The following STAG1 variants were observed in gnomAD, a reference collection of about 807,000 sequenced individuals.
The protein encoded by STAG1 is cohesin subunit SA-1.
STAG1 carries 26 observed loss-of-function variants against 170.9 expected under a neutral mutation model. The observed-to-expected ratio is 0.15, with a 90% CI of 0.11 to 0.21. The LOEUF (loss-of-function observed/expected upper bound fraction) is 0.21. STAG1 is among the 10% of genes least tolerant of loss of function. The probability of loss-of-function intolerance (pLI) is 1.00; values close to 1 mark genes in which losing one functional copy is unlikely to be tolerated. For missense variants in STAG1, 964 were observed against 1,509.5 expected, an observed-to-expected ratio of 0.64 and a Z score of 5.99; for synonymous variants, 514 against 497.7, an observed-to-expected ratio of 1.03 and a Z score of -0.44.
chr3:136,654,085 G>C (rs546323671), intron 1 of STAG1, among the ~76,000 whole-genome samples: 95 of 152,276 alleles, frequency 6.2e-4, no homozygotes, highest in African/African-American at 2.2e-3. Context: ...AACATAAGAA[G>C]AATGCCTGCT....
intron 4 of STAG1, among the ~76,000 whole-genome samples, chr3:136,571,737 G>A (rs1215644466): frequency 6.6e-6 from 1 of 151,654 alleles, no homozygotes; most frequent in Admixed American, 6.6e-5. Flanking sequence ...AAATATTAGT[G>A]AGGAATGGTG....
rs6781761 is a variant in STAG1, at chr3:136,599,494, G to A, written c.297+4815C>T. On this transcript the variant is annotated intron_variant, in intron 4 of 33. Transcript: ENST00000383202. ...TGCAGTGAGCCGAGATTGCGCCACT[G>A]CACTCCAGCCTGGGTGACAGAGCGA... Among the ~76,000 whole-genome samples, 634 of 152,252 alleles carry A rather than the reference G, an allele frequency of 4.2e-3. 5 individuals are homozygous for A. Among genetic ancestry groups the A allele is most frequent in the African/African-American group, 0.015 (607 of 41,546 alleles).
chr3:136,465,025 A>T, intron 12 of STAG1, 37 bp from the exon 13 acceptor site: 2 of 1,463,574 alleles, frequency 1.4e-6, no homozygotes, highest in Non-Finnish European at 1.9e-6. Context: ...ATCTAAAGCA[A>T]ATGTTTATTT....
intron 5 of STAG1, 55 bp downstream of exon 5, chr3:136,568,710 T>G: frequency 1.6e-6 from 2 of 1,274,558 alleles, no homozygotes; most frequent in East Asian, 2.4e-5. Flanking sequence ...GAAGTAAAAG[T>G]CACACTGCTG....
intron 1 of STAG1, among the ~76,000 whole-genome samples, chr3:136,682,321 A>G (rs1942362779): frequency 6.6e-6 from 1 of 151,872 alleles, no homozygotes; most frequent in African/African-American, 2.4e-5. Context: ...GCTACTCCGA[A>G]GGCTGAAACA....
chr3:136,530,923 T>C (rs915544018), intron 6 of STAG1, among the ~76,000 whole-genome samples: 1 of 152,052 alleles, frequency 6.6e-6, no homozygotes, highest in African/African-American at 2.4e-5. Flanking sequence ...CTAGCCAACA[T>C]GGTAAACTCC....
At chr3:136,556,725 G>A (rs563543458) in intron 5 of STAG1, among the ~76,000 whole-genome samples, 160 of 151,920 alleles carry the variant, frequency 1.1e-3, no homozygotes, top group African/African-American at 3.7e-3. Context: ...TGAGACTACA[G>A]GCACACACCA....
intron 4 of STAG1, among the ~76,000 whole-genome samples, chr3:136,578,088 T>C (rs1164268349): frequency 6.6e-6 from 1 of 152,238 alleles, no homozygotes; most frequent in Non-Finnish European, 1.5e-5. Flanking sequence ...CAATGAAAAC[T>C]ACAATAGTGA....
intron 29 of STAG1, among the ~76,000 whole-genome samples, chr3:136,345,932 A>G (rs1406559259): frequency 1.3e-5 from 2 of 152,178 alleles, no homozygotes; most frequent in African/African-American, 4.8e-5. Context: ...GACACATTTC[A>G]TCATCTTCTA....
chr3:136,585,077 TA>T (rs1006478734), intron 4 of STAG1, among the ~76,000 whole-genome samples: 1 of 152,216 alleles, frequency 6.6e-6, no homozygotes, highest in African/African-American at 2.4e-5. Flanking sequence ...GGAACAGCTA[TA>T]AATTTCATCT....
At chr3:136,585,619 A>AT (rs1336501944) in intron 4 of STAG1, among the ~76,000 whole-genome samples, 88 of 151,462 alleles carry the variant, frequency 5.8e-4, no homozygotes, top group African/African-American at 5.8e-4. Flanking sequence ...AATAATAATA[A>AT]AAAAATAAAA....
intron 21 of STAG1, among the ~76,000 whole-genome samples, chr3:136,414,510 C>T (rs562687834): frequency 6.6e-6 from 1 of 152,298 alleles, no homozygotes; most frequent in South Asian, 2.1e-4. Flanking sequence ...CTTGCTATCT[C>T]CACTACATCT....
At chr3:136,618,042 T>C (rs1214792347) in intron 3 of STAG1, among the ~76,000 whole-genome samples, 2 of 152,344 alleles carry the variant, frequency 1.3e-5, no homozygotes, top group East Asian at 1.9e-4. Context: ...TTGTTAGATA[T>C]GAGTTCTAAA....
intron 15 of STAG1, among the ~76,000 whole-genome samples, chr3:136,436,672 G>T (rs535363089): frequency 1.6e-4 from 24 of 152,074 alleles, no homozygotes; most frequent in Admixed American, 1.3e-3. Context: ...GTAGATGTAG[G>T]TATTATAGAC....
chr3:136,570,108 C>T (rs1323434472), intron 4 of STAG1, among the ~76,000 whole-genome samples: 2 of 151,924 alleles, frequency 1.3e-5, no homozygotes, highest in Non-Finnish European at 2.9e-5. Context: ...TCCTGTTATA[C>T]CTTAATTTTT....
rs1232770915 is a variant in STAG1, at chr3:136,422,784, G to A, written c.1817C>T (p.Thr606Ile). 1 of 1,604,814 alleles carries A rather than the reference G, an allele frequency of 6.2e-7. No homozygotes were observed. ...PQYFDLEIYS[T>I]GRMEKHLDAL... The stretch of plus-strand genomic sequence containing the variant: ...TATCATTACCTTTTCCATTCTACCT[G>A]TGCTGTAGATTTCTAAATCAAAATA... Residue 606 changes from threonine (T) to isoleucine (I), a missense_variant, in exon 18 of 34, where the codon ACA becomes ATA. Thr to Ile is a moderately conservative substitution (Grantham distance 89, BLOSUM62 -1). This residue lies in a region of STAG1 where 232 missense variants were observed against 313.0 expected (regional missense o/e 0.74). Coordinates refer to ENST00000383202, the MANE Select transcript of STAG1 (RefSeq NM_005862.3).
intron 6 of STAG1, among the ~76,000 whole-genome samples, chr3:136,533,069 G>A (rs746999959): frequency 2.0e-5 from 3 of 151,972 alleles, no homozygotes; most frequent in Non-Finnish European, 2.9e-5. Flanking sequence ...TCAGTAAAGC[G>A]CTTTACATTT....
intron 16 of STAG1, among the ~76,000 whole-genome samples, chr3:136,426,280 G>A (rs574021574): frequency 2.6e-5 from 4 of 152,158 alleles, no homozygotes; most frequent in East Asian, 1.9e-4. Context: ...TGAGGTGGCA[G>A]GTGCCTGTAG....
intron 28 of STAG1, among the ~76,000 whole-genome samples, chr3:136,355,827 C>T (rs1936630369): frequency 6.6e-6 from 1 of 151,916 alleles, no homozygotes; most frequent in South Asian, 2.1e-4. Context: ...CCTGAATAAC[C>T]AATAGGTTAA....
Sources: gnomAD v4.1 joint callset for allele counts (sites outside exome capture counted in the v4.1 genomes callset) on GRCh38, gnomAD v4.1.1 for gene constraint, gnomAD v4.1.1 regional missense constraint, MANE v1.5 for transcripts, NCBI Gene and HGNC (gene_info 2026-07-23, HGNC 2026-07-21) for gene names.